The following RXFP1 variants were observed in gnomAD, a reference collection of about 807,000 sequenced individuals.
The protein encoded by RXFP1 is relaxin family peptide receptor 1, also known as relaxin receptor 1.
Under a neutral mutation model 89.8 loss-of-function variants are expected in RXFP1, and 73 were observed. The ratio of observed to expected loss-of-function variants is 0.81; its 90% CI spans 0.67 to 0.99. RXFP1 has a LOEUF of 0.99. Ranked by LOEUF, RXFP1 falls within the 50% of genes least tolerant of loss-of-function variation. The pLI is 0.00. For synonymous variants in RXFP1, 277 were observed against 305.5 expected, an observed-to-expected ratio of 0.91 and a Z score of 0.97; for missense variants, 793 against 895.5, an observed-to-expected ratio of 0.89 and a Z score of 1.46.
chr4:158,589,449 T>C (rs1292300433), intron 2 of RXFP1, among the ~76,000 whole-genome samples: 1 of 152,198 alleles, frequency 6.6e-6, no homozygotes, highest in Non-Finnish European at 1.5e-5. Flanking sequence ...CAGTCTTCTC[T>C]AAGTCCAATT....
chr4:158,532,075 T>C (rs1384968042), intron 1 of RXFP1, among the ~76,000 whole-genome samples: 1 of 152,106 alleles, frequency 6.6e-6, no homozygotes. Context: ...TTTTTCAGAA[T>C]TTTCCCCCCC....
At chr4:158,557,301 A>T (rs1307103409) in intron 1 of RXFP1, among the ~76,000 whole-genome samples, 2 of 152,120 alleles carry the variant, frequency 1.3e-5, no homozygotes, top group African/African-American at 4.8e-5. Flanking sequence ...TTGCTCTCAA[A>T]TTTTTAACTA....
chr4:158,529,710 TCC>T (rs1190235630), intron 1 of RXFP1, among the ~76,000 whole-genome samples: 1 of 152,138 alleles, frequency 6.6e-6, no homozygotes, highest in African/African-American at 2.4e-5. Context: ...ATTAAGCAGT[TCC>T]TCTTTCTCCC....
chr4:158,547,423 G>A (rs1046022182), intron 1 of RXFP1, among the ~76,000 whole-genome samples: 4 of 151,964 alleles, frequency 2.6e-5, no homozygotes, highest in Non-Finnish European at 4.4e-5. Flanking sequence ...TTAAATTTTT[G>A]AAGGGTTTTT....
intron 1 of RXFP1, among the ~76,000 whole-genome samples, chr4:158,566,681 A>C (rs1753626236): frequency 6.6e-6 from 1 of 152,244 alleles, no homozygotes; most frequent in Admixed American, 6.5e-5. Context: ...TACTTTTAAA[A>C]TATCACTTTA....
At chr4:158,562,588 A>G (rs1579629645) in intron 1 of RXFP1, among the ~76,000 whole-genome samples, 2 of 150,272 alleles carry the variant, frequency 1.3e-5, no homozygotes, top group African/African-American at 4.8e-5. Context: ...TTATCATAAC[A>G]GATCAACAAG....
intron 1 of RXFP1, among the ~76,000 whole-genome samples, chr4:158,547,467 T>A (rs1188824517): frequency 6.6e-6 from 1 of 152,202 alleles, no homozygotes; most frequent in Non-Finnish European, 1.5e-5. Context: ...TGCTCTGACT[T>A]TAGTTATTTC....
In RXFP1 at chr4:158,645,055, T is replaced by G. The variant is rs1379500776; in HGVS notation, c.1262T>G (p.Phe421Cys). ...FVWVVSAVTC[F>C]GNIFVICMRP... ...TGGGTTGTATCTGCAGTTACCTGCT[T>G]TGGAAACATTTTTGTCATTTGCATG... Residue 421 changes from phenylalanine to cysteine, a missense_variant, in exon 15 of 18, where the codon TTT (phenylalanine) becomes TGT (cysteine). Physicochemically the swap from Phe to Cys is radical, Grantham distance 205 (BLOSUM62 -2). Transcript: ENST00000307765. 2 of 1,614,198 alleles carry G rather than the reference T, an allele frequency of 1.2e-6. No individual in the cohort carries two copies. Among genetic ancestry groups the G allele is most frequent in the South Asian group, 1.1e-5 (1 of 91,082 alleles).
chr4:158,643,456 G>A (rs1288426062), intron 14 of RXFP1, among the ~76,000 whole-genome samples: 1 of 144,712 alleles, frequency 6.9e-6, no homozygotes, highest in Non-Finnish European at 1.5e-5. Context: ...GGGATTCCTG[G>A]ATCATATGCT....
chr4:158,540,111 G>C (rs1387598124), intron 1 of RXFP1, among the ~76,000 whole-genome samples: 1 of 152,126 alleles, frequency 6.6e-6, no homozygotes, highest in East Asian at 1.9e-4. Flanking sequence ...CCCCAATATA[G>C]GGTTCTTGCA....
At chr4:158,631,425 C>T (rs1418701850) in intron 11 of RXFP1, among the ~76,000 whole-genome samples, 1 of 152,074 alleles carries the variant, frequency 6.6e-6, no homozygotes, top group Non-Finnish European at 1.5e-5. Context: ...ACTGGGTAGC[C>T]CAGATGAATA....
chr4:158,568,018 C>G (rs1057334235), intron 1 of RXFP1, among the ~76,000 whole-genome samples: 3 of 152,180 alleles, frequency 2.0e-5, no homozygotes, highest in African/African-American at 7.2e-5. Flanking sequence ...AAGCTTCACT[C>G]CTGAAGCCAT....
chr4:158,533,690 T>G (rs1744603012), intron 1 of RXFP1, among the ~76,000 whole-genome samples: 1 of 152,232 alleles, frequency 6.6e-6, no homozygotes, highest in Non-Finnish European at 1.5e-5. Context: ...CCTATTTGGA[T>G]TCTAACTCAA....
Position 158,652,269 on chromosome 4 carries a change from G to C in RXFP1, c.*214G>C. ...ATATATTAGTAGACATTTTGCATAA[G>C]AAATTAAGAGAAATCTACTTCAGTA... On this transcript the variant is annotated 3_prime_UTR_variant, in exon 18 of 18. Transcript: ENST00000307765. 1 of 448,174 alleles carries C rather than the reference G, an allele frequency of 2.2e-6. No homozygotes were observed. Among genetic ancestry groups the C allele is most frequent in the Middle Eastern group, 6.0e-4 (1 of 1,662 alleles). The allele number at this position is 448,174 out of a possible 1,614,324, so 27.8% of individuals were successfully genotyped here. A position where few individuals can be genotyped will look rare whatever the true frequency, so the allele number is the denominator to read the frequency against.
rs1761262555 is a variant in RXFP1, at chr4:158,599,437, T to C, written c.392+6T>C. 6.2e-7 allele frequency: 1 copy of C among 1,610,590 alleles called. No homozygotes were observed. Among genetic ancestry groups the C allele is most frequent in the East Asian group, 2.2e-5 (1 of 44,824 alleles). ...TCTTCAAATGTGACTGCAATGTAAGTAGAAAAGAATTACTTCATCCTGACA... is the reference window on the plus strand; with the variant it reads ...TCTTCAAATGTGACTGCAATGTAAGCAGAAAAGAATTACTTCATCCTGACA... On this transcript the variant is annotated splice_donor_region_variant and intron_variant, in intron 4 of 17. Coordinates refer to ENST00000307765, the MANE Select transcript of RXFP1 (RefSeq NM_021634.4).
rs1407038731 is a variant in RXFP1, at chr4:158,652,948, C to T, written c.*893C>T. ...ACAGACCTAAGTGGTTTAATTCACC[C>T]ACTTTAGATGGGTGAATGTTATGGT... On this transcript the variant is annotated 3_prime_UTR_variant, in exon 18 of 18. Coordinates refer to ENST00000307765, the MANE Select transcript of RXFP1 (RefSeq NM_021634.4). 2 of 152,174 alleles carry T rather than the reference C, an allele frequency of 1.3e-5. No homozygotes were observed. Among genetic ancestry groups the T allele is most frequent in the African/African-American group, 4.8e-5 (2 of 41,426 alleles). 9.4% of individuals were successfully genotyped at this position (152,174 alleles called of 1,614,324 possible).
chr4:158,570,230 G>A (rs1483800589), intron 1 of RXFP1, among the ~76,000 whole-genome samples: 2 of 152,198 alleles, frequency 1.3e-5, no homozygotes, highest in African/African-American at 4.8e-5. Context: ...ATTTCAGGAG[G>A]AAGTGATAGT....
At chr4:158,589,602 C>A (rs556526509) in intron 2 of RXFP1, among the ~76,000 whole-genome samples, 1 of 152,250 alleles carries the variant, frequency 6.6e-6, no homozygotes, top group African/African-American at 2.4e-5. Flanking sequence ...CAAACTACAA[C>A]TAACCTCATC....
chr4:158,598,117 CACTT>C (rs532503828), intron 3 of RXFP1, among the ~76,000 whole-genome samples: 112 of 152,272 alleles, frequency 7.4e-4, no homozygotes, highest in African/African-American at 2.2e-3. Context: ...GCCACTGAGA[CACTT>C]GCTTGCTCTC....
Sources: allele counts gnomAD v4.1 joint callset (sites outside exome capture counted in the v4.1 genomes callset), GRCh38; gene constraint gnomAD v4.1.1; transcripts MANE v1.5; gene names NCBI Gene and HGNC (gene_info 2026-07-23, HGNC 2026-07-21).